The following KAZN variants were observed in gnomAD, a reference collection of about 807,000 sequenced individuals.
The protein encoded by KAZN is kazrin.
In KAZN, 40 loss-of-function variants were observed where a neutral mutation model predicts 87.4. The observed-to-expected ratio is 0.46, with a 90% CI of 0.36 to 0.60. The LOEUF (loss-of-function observed/expected upper bound fraction) is 0.60, where lower values mean the gene tolerates loss of function less well. Among genes scored for constraint, KAZN ranks in the 20% least tolerant of loss-of-function variants. The probability of loss-of-function intolerance (pLI) is 0.00; values close to 1 mark genes in which losing one functional copy is unlikely to be tolerated. For synonymous variants in KAZN, 466 were observed against 458.3 expected, an observed-to-expected ratio of 1.02 and a Z score of -0.22; for missense variants, 898 against 1,073.9, an observed-to-expected ratio of 0.84 and a Z score of 2.29.
intron 2 of KAZN, among the ~76,000 whole-genome samples, chr1:14,388,651 G>A (rs1402995870): frequency 6.6e-6 from 1 of 152,124 alleles, no homozygotes; most frequent in African/African-American, 2.4e-5. Context: ...TCCATATGCA[G>A]AAGAATGAAA....
intron 2 of KAZN, among the ~76,000 whole-genome samples, chr1:14,976,664 G>T (rs111971224): frequency 6.6e-6 from 1 of 152,164 alleles, no homozygotes; most frequent in Non-Finnish European, 1.5e-5. Context: ...GACCTGCGAC[G>T]AGGCCCAACC....
chr1:14,911,616 C>A (rs147158451), intron 1 of KAZN, among the ~76,000 whole-genome samples: 2 of 152,218 alleles, frequency 1.3e-5, no homozygotes, highest in Non-Finnish European at 2.9e-5. Context: ...AGCCCACACC[C>A]TTGGCCCCTG....
intron 1 of KAZN, among the ~76,000 whole-genome samples, chr1:14,148,897 A>T (rs931045999): frequency 5.3e-5 from 8 of 152,028 alleles, no homozygotes; most frequent in Non-Finnish European, 1.2e-4. Flanking sequence ...GACAAAGAAC[A>T]CTCCACTTTT....
intron 2 of KAZN, among the ~76,000 whole-genome samples, chr1:14,258,139 CGTCCCAAAACT>C (rs71570193): frequency 0.18 from 26,914 of 149,092 alleles, 2,800 homozygotes; most frequent in Middle Eastern, 0.3. Flanking sequence ...AACCCTCCAC[CGTCCCAAAACT>C]GTCCCAAAAC....
chr1:14,780,406 T>C (rs1463548159), intron 1 of KAZN, among the ~76,000 whole-genome samples: 2 of 152,306 alleles, frequency 1.3e-5, no homozygotes, highest in Middle Eastern at 3.4e-3. Context: ...AGTTTGTGGG[T>C]TCATTTACTA....
At chr1:14,528,337 C>CAA (rs33960231) in intron 2 of KAZN, among the ~76,000 whole-genome samples, 1,028 of 49,130 alleles carry the variant, frequency 0.021, 48 homozygotes, top group Non-Finnish European at 0.024. Flanking sequence ...GACTCCATCT[C>CAA]AAAAAAAAAA....
At chr1:15,051,279 T>C (rs576883975) in intron 4 of KAZN, among the ~76,000 whole-genome samples, 2 of 152,354 alleles carry the variant, frequency 1.3e-5, no homozygotes, top group East Asian at 3.9e-4. Context: ...CACTGTGGCC[T>C]CCGGATCAGC....
chr1:14,186,252 A>G (rs1481435529), intron 2 of KAZN, among the ~76,000 whole-genome samples: 3 of 152,196 alleles, frequency 2.0e-5, no homozygotes. Context: ...TGCTGGTCTA[A>G]TAAGTGATGG....
rs1670655093 is a variant in KAZN at position 15,021,404 on chromosome 1, A to G, written c.419-13345A>G. 6.6e-6 allele frequency among the ~76,000 whole-genome samples: 1 copy of G among 151,890 alleles called. No individual in the cohort carries two copies. The highest frequency in any genetic ancestry group is 6.6e-5 in the Admixed American group (1 of 15,250). ...TGTTCCGGGCCCATTCCCTGCCACT[A>G]TTTTTAGTGGTGATTGGGAGGAAGG... On this transcript the variant is annotated intron_variant, in intron 2 of 14. Transcript: ENST00000376030. The surrounding 1 kb of genome is among the most constrained non-coding windows in gnomAD (Gnocchi z 4.2).
intron 8 of KAZN, among the ~76,000 whole-genome samples, chr1:15,084,871 C>T (rs988642892): frequency 9.2e-5 from 14 of 152,152 alleles, no homozygotes; most frequent in African/African-American, 1.4e-4. Flanking sequence ...AAATTTAGAC[C>T]CTCTAAGGCC....
intron 2 of KAZN, among the ~76,000 whole-genome samples, chr1:14,523,648 T>A (rs1364749622): frequency 2.0e-5 from 3 of 152,212 alleles, no homozygotes; most frequent in African/African-American, 7.2e-5. Flanking sequence ...CAAGCCAATA[T>A]TTCTTTGTAC....
chr1:14,694,858 CTA>C (rs1243151646), intron 1 of KAZN, among the ~76,000 whole-genome samples: 1 of 152,202 alleles, frequency 6.6e-6, no homozygotes, highest in African/African-American at 2.4e-5. Context: ...TTGTTATTAA[CTA>C]ATTTCTGTGT....
chr1:14,633,858 T>C (rs1216145037), intron 1 of KAZN, among the ~76,000 whole-genome samples: 1 of 150,650 alleles, frequency 6.6e-6, no homozygotes, highest in Admixed American at 6.6e-5. Flanking sequence ...AAACAGCATT[T>C]GCGCGCGCAC....
At chr1:14,357,602 T>C (rs1041022383) in intron 2 of KAZN, among the ~76,000 whole-genome samples, 2 of 152,234 alleles carry the variant, frequency 1.3e-5, no homozygotes, top group Non-Finnish European at 2.9e-5. Flanking sequence ...GTTCCATCAA[T>C]ACCTAGTTTA....
Position 14,277,352 on chromosome 1 carries a change from T to G in KAZN, c.249+96760T>G, listed in dbSNP as rs140141615. ...GCCATTTGTAACACCTAAATTATTT[T>G]TAAACCTATACGAGTTAGAAACAAC... On this transcript the variant is annotated intron_variant, in intron 2 of 16. Transcript: ENST00000636203. Among the ~76,000 whole-genome samples the G allele has an allele frequency of 2.0e-3, 304 of 152,270 alleles. 10 individuals are homozygous for G. The East Asian group carries it at 0.052, about 26-fold the overall frequency.
chr1:14,698,169 CT>C (rs1243828282), intron 1 of KAZN, among the ~76,000 whole-genome samples: 1 of 152,158 alleles, frequency 6.6e-6, no homozygotes, highest in Non-Finnish European at 1.5e-5. Context: ...AAATTAGTGA[CT>C]TTTTTGGTCC....
intron 8 of KAZN, among the ~76,000 whole-genome samples, chr1:15,092,334 C>G (rs1640589433): frequency 6.6e-6 from 1 of 152,138 alleles, no homozygotes; most frequent in African/African-American, 2.4e-5. Flanking sequence ...CTCGGCCTCC[C>G]AAAGTGCTGG....
intron 2 of KAZN, among the ~76,000 whole-genome samples, chr1:14,213,561 G>A (rs1181937319): frequency 6.6e-6 from 1 of 152,174 alleles, no homozygotes; most frequent in South Asian, 2.1e-4. Context: ...AGGCCAGTAT[G>A]GTTGAAACAG....
At chr1:14,747,301 G>A (rs1185821615) in intron 1 of KAZN, among the ~76,000 whole-genome samples, 2 of 151,758 alleles carry the variant, frequency 1.3e-5, no homozygotes, top group Non-Finnish European at 1.5e-5. Flanking sequence ...TTTGAGACAG[G>A]GTTTATCTCC....
Sources: gnomAD v4.1 joint callset for allele counts (sites outside exome capture counted in the v4.1 genomes callset) on GRCh38, gnomAD v4.1.1 for gene constraint, Gnocchi (gnomAD v3.1) non-coding constraint, MANE v1.5 for transcripts, NCBI Gene and HGNC (gene_info 2026-07-23, HGNC 2026-07-21) for gene names.